The following DAB1 variants were observed in gnomAD, a reference collection of about 807,000 sequenced individuals.
DAB1 encodes disabled homolog 1.
Under a neutral mutation model 64.6 loss-of-function variants are expected in DAB1, and 15 were observed. The observed-to-expected ratio is 0.23, with a 90% CI of 0.16 to 0.36. DAB1 has a LOEUF of 0.36. DAB1 is among the 10% of genes least tolerant of loss of function. DAB1 has a pLI of 1.00. For missense variants in DAB1, 596 were observed against 706.7 expected, an observed-to-expected ratio of 0.84 and a Z score of 1.78; for synonymous variants, 235 against 251.9, an observed-to-expected ratio of 0.93 and a Z score of 0.64.
intron 3 of DAB1, among the ~76,000 whole-genome samples, chr1:58,429,759 AGCACC>A (rs1436984027): frequency 2.0e-5 from 3 of 152,226 alleles, no homozygotes; most frequent in African/African-American, 7.2e-5. Context: ...CCACTCCCTG[AGCACC>A]GCTTGCTTTC....
chr1:58,280,831 C>T (rs762082581), intron 4 of DAB1, among the ~76,000 whole-genome samples: 1 of 152,188 alleles, frequency 6.6e-6, no homozygotes, highest in African/African-American at 2.4e-5. Context: ...CCAAGGAGTG[C>T]ACCATCTAGT....
intron 5 of DAB1, 65 bp downstream of exon 5, chr1:57,072,218 G>T: frequency 6.3e-7 from 1 of 1,580,812 alleles, no homozygotes. Flanking sequence ...AAAGACCAAC[G>T]GAGTCACTGG....
chr1:58,206,555 A>G (rs893290666), intron 4 of DAB1, among the ~76,000 whole-genome samples: 1 of 152,128 alleles, frequency 6.6e-6, no homozygotes, highest in African/African-American at 2.4e-5. Flanking sequence ...CTGTACTAAC[A>G]CTATGTTATA....
intron 4 of DAB1, among the ~76,000 whole-genome samples, chr1:58,188,999 A>G (rs1460016430): frequency 2.0e-5 from 3 of 152,208 alleles, no homozygotes; most frequent in Admixed American, 1.3e-4. Context: ...AAACAGAAGT[A>G]CAATTCCCAA....
chr1:57,281,890 T>C (rs1341239737), intron 2 of DAB1, among the ~76,000 whole-genome samples: 1 of 151,972 alleles, frequency 6.6e-6, no homozygotes, highest in African/African-American at 2.4e-5. Context: ...ATTGAGGATG[T>C]TAGGAAACTC....
intron 1 of DAB1, among the ~76,000 whole-genome samples, chr1:57,834,116 G>A (rs1652705716): frequency 6.6e-6 from 1 of 152,080 alleles, no homozygotes; most frequent in African/African-American, 2.4e-5. Context: ...ATATAAAGTA[G>A]CATTAAACAA....
At chr1:57,038,282 G>A (rs1647277403) in intron 9 of DAB1, among the ~76,000 whole-genome samples, 3 of 152,146 alleles carry the variant, frequency 2.0e-5, no homozygotes, top group African/African-American at 7.2e-5. Flanking sequence ...AAAAGCAGCC[G>A]ACTTCTTCTA....
At chr1:58,020,034 A>C (rs964553836) in intron 5 of DAB1, among the ~76,000 whole-genome samples, 5 of 152,212 alleles carry the variant, frequency 3.3e-5, no homozygotes, top group Non-Finnish European at 7.4e-5. Context: ...TCTGAAATTT[A>C]GGAGTCCATA....
At chr1:58,514,233 T>C (rs1273181384) in intron 2 of DAB1, among the ~76,000 whole-genome samples, 1 of 152,134 alleles carries the variant, frequency 6.6e-6, no homozygotes, top group African/African-American at 2.4e-5. Context: ...AAGGAACATA[T>C]TGAGAAAGAA....
At chr1:57,183,773 T>C (rs1663234368) in intron 2 of DAB1, among the ~76,000 whole-genome samples, 1 of 152,200 alleles carries the variant, frequency 6.6e-6, no homozygotes, top group Non-Finnish European at 1.5e-5. Context: ...GGACTCACAA[T>C]TTCCAGGAGA....
At chr1:57,876,517 A>C (rs1416631774) in intron 1 of DAB1, 2 of 152,206 alleles carry the variant, frequency 1.3e-5, no homozygotes, top group Non-Finnish European at 2.9e-5. Context: ...AAAATGATTC[A>C]GGACTTCATG....
chr1:57,175,641 A>T (rs1557868171), intron 2 of DAB1, among the ~76,000 whole-genome samples: 1 of 152,208 alleles, frequency 6.6e-6, no homozygotes, highest in Non-Finnish European at 1.5e-5. Flanking sequence ...ATCTGCTCTG[A>T]AATAATAGGG....
chr1:57,525,664 C>T (rs944875741), intron 7 of DAB1, among the ~76,000 whole-genome samples: 1 of 151,400 alleles, frequency 6.6e-6, no homozygotes, highest in Non-Finnish European at 1.5e-5. Context: ...GTCACCAGGG[C>T]AAGATATAAA....
chr1:57,672,656 T>G (rs533180970), intron 6 of DAB1, among the ~76,000 whole-genome samples: 1 of 152,334 alleles, frequency 6.6e-6, no homozygotes, highest in East Asian at 1.9e-4. Context: ...TTAAATGGAA[T>G]TAATAAGATA....
At chr1:57,870,133 G>C (rs1016003886) in intron 1 of DAB1, among the ~76,000 whole-genome samples, 1 of 152,124 alleles carries the variant, frequency 6.6e-6, no homozygotes, top group Admixed American at 6.6e-5. Context: ...GGTTTGATAT[G>C]AGGATGAAAT....
At chr1:57,513,768 G>A (rs2793649) in intron 7 of DAB1, among the ~76,000 whole-genome samples, 146,195 of 152,272 alleles carry the variant, frequency 0.96, 70,440 homozygotes, top group East Asian at 1. Flanking sequence ...ACCATATTGT[G>A]CAGTAGAACT....
chr1:57,480,599 C>T (rs1418306350), intron 7 of DAB1, among the ~76,000 whole-genome samples: 1 of 152,020 alleles, frequency 6.6e-6, no homozygotes, highest in Admixed American at 6.6e-5. Context: ...ATTCTCCTGC[C>T]TCAGCCTCCC....
chr1:58,321,762 G>A (rs1662688928), intron 4 of DAB1, among the ~76,000 whole-genome samples: 1 of 152,270 alleles, frequency 6.6e-6, no homozygotes, highest in Non-Finnish European at 1.5e-5. Flanking sequence ...GGCTGGGGAA[G>A]CTCCAACTGG....
At chr1:57,464,810 G>A (rs1686902043) in intron 7 of DAB1, among the ~76,000 whole-genome samples, 1 of 152,112 alleles carries the variant, frequency 6.6e-6, no homozygotes, top group South Asian at 2.1e-4. Flanking sequence ...TTGTACTGCA[G>A]GGAATTTCTC....
Sources: allele counts gnomAD v4.1 joint callset (sites outside exome capture counted in the v4.1 genomes callset), GRCh38; gene constraint gnomAD v4.1.1; transcripts MANE v1.5; gene names NCBI Gene and HGNC (gene_info 2026-07-23, HGNC 2026-07-21).